NOP58: variants seen among roughly 807,000 people sequenced by gnomAD.
NOP58 encodes nucleolar protein 58.
In NOP58, 44 loss-of-function variants were observed where a neutral mutation model predicts 71.2. The observed-to-expected ratio is 0.62, with a 90% CI of 0.49 to 0.79. The LOEUF (loss-of-function observed/expected upper bound fraction) is 0.79. Ranked by LOEUF, NOP58 falls within the 30% of genes least tolerant of loss-of-function variation. NOP58 has a pLI of 0.00. For synonymous variants in NOP58, 228 were observed against 200.3 expected (o/e 1.14, Z -1.17); for missense variants, 538 against 620.2 (o/e 0.87, Z 1.41).
Position 202,287,421 on chromosome 2 carries a change from A to G in NOP58, c.435-239A>G, listed in dbSNP as rs540224868. ...CTATTTGTCATTCATACATAAACTC[A>G]TTCATGTTACAGAAATAAAGGTCGT... is the stretch of plus-strand genomic sequence containing the variant. On this transcript the variant is annotated intron_variant, in intron 5 of 14. Coordinates refer to ENST00000264279, the MANE Select transcript of NOP58 (RefSeq NM_015934.5). Among the ~76,000 whole-genome samples the G allele has an allele frequency of 2.6e-4, 39 of 151,450 alleles. No individual in the cohort carries two copies. In the East Asian group the frequency reaches 7.2e-3, roughly 28 times the overall value.
chr2:202,300,128 G>T, intron 12 of NOP58, 106 bp from the exon 13 acceptor site: 1 of 932,306 alleles, frequency 1.1e-6, no homozygotes, highest in South Asian at 1.6e-5. Context: ...AAACAACATT[G>T]TGTGCTTATG....
intron 6 of NOP58, among the ~76,000 whole-genome samples, chr2:202,288,718 G>T (rs1010580819): frequency 6.6e-6 from 1 of 152,074 alleles, no homozygotes; most frequent in Non-Finnish European, 1.5e-5. Flanking sequence ...AGGAGGCTGA[G>T]GCAGGAGAAT....
intron 13 of NOP58, 74 bp from the exon 14 acceptor site, chr2:202,302,847 A>T: frequency 6.6e-7 from 1 of 1,512,498 alleles, no homozygotes; most frequent in Non-Finnish European, 8.8e-7. Flanking sequence ...AAAAACTAGG[A>T]CTCAAACGTT....
At chr2:202,293,539 A>G (rs920344259) in intron 9 of NOP58, among the ~76,000 whole-genome samples, 83 of 152,256 alleles carry the variant, frequency 5.5e-4, no homozygotes, top group Non-Finnish European at 5.9e-4. Flanking sequence ...TAATTCATCA[A>G]AAAAGATTAT....
Position 202,303,450 on chromosome 2 carries a change from C to T in NOP58, c.*14C>T, listed in dbSNP as rs1054446. The T allele has an allele frequency of 0.12, 193,768 of 1,604,120 alleles. 12,797 individuals carry two copies. Among genetic ancestry groups the T allele is most frequent in the Admixed American group, 0.15 (8,682 of 58,984 alleles). ...AACGAGGATTAACAGAAAGGAATTA[C>T]GATTATATCACCCGGACACACATCA... On this transcript the variant is annotated 3_prime_UTR_variant, in exon 15 of 15. Transcript: ENST00000264279.
chr2:202,289,667 ATGATAAACCT>A (rs747832261), intron 6 of NOP58, among the ~76,000 whole-genome samples: 4 of 152,228 alleles, frequency 2.6e-5, no homozygotes, highest in Non-Finnish European at 5.9e-5. Context: ...ATATTTCAAC[ATGATAAACCT>A]TGAAAATATG....
intron 9 of NOP58, among the ~76,000 whole-genome samples, chr2:202,294,944 A>C (rs565763204): frequency 3.4e-4 from 52 of 151,550 alleles, no homozygotes; most frequent in Non-Finnish European, 7.2e-4. Flanking sequence ...CAGCCTGCGC[A>C]ACAGAGCGAA....
chr2:202,299,759 T>G (rs1448470331), intron 12 of NOP58: 3 of 152,332 alleles, frequency 2.0e-5, no homozygotes, highest in African/African-American at 7.2e-5. Flanking sequence ...CTTTTCCATG[T>G]GCATGTATTT....
At chr2:202,303,088 T>G (rs998792226) in intron 14 of NOP58, 31 bp downstream of exon 14, 1 of 1,601,364 alleles carries the variant, frequency 6.2e-7, no homozygotes, top group Non-Finnish European at 8.5e-7. Flanking sequence ...CGGTTTTCAC[T>G]TGGAGGGGCC....
At chr2:202,267,263 A>T (rs1452248222) in intron 1 of NOP58, among the ~76,000 whole-genome samples, 3 of 152,188 alleles carry the variant, frequency 2.0e-5, no homozygotes, top group Non-Finnish European at 2.9e-5. Context: ...AATGTAATAC[A>T]ATTTTAGCTA....
At chr2:202,296,717 T>TTTTG (rs144056381) in intron 10 of NOP58, among the ~76,000 whole-genome samples, 130,773 of 149,158 alleles carry the variant, frequency 0.88, 58,629 homozygotes, top group South Asian at 0.97. Context: ...CCACGCTTTT[T>TTTTG]TTTGTTTGTT....
intron 1 of NOP58, among the ~76,000 whole-genome samples, chr2:202,271,122 A>G (rs1356871826): frequency 1.3e-5 from 2 of 152,070 alleles, no homozygotes; most frequent in African/African-American, 2.4e-5. Context: ...TCTTAATTCC[A>G]TATACCCTCA....
chr2:202,302,726 G>T (rs111627215), intron 13 of NOP58, among the ~76,000 whole-genome samples, 195 bp from the exon 14 acceptor site: 28 of 152,274 alleles, frequency 1.8e-4, no homozygotes, highest in African/African-American at 6.5e-4. Context: ...TGAGAAGATT[G>T]CTCTGAGCTC....
At chr2:202,277,088 C>T (rs1688607518) in intron 2 of NOP58, among the ~76,000 whole-genome samples, 1 of 152,106 alleles carries the variant, frequency 6.6e-6, no homozygotes, top group African/African-American at 2.4e-5. Context: ...GAGATGGAGA[C>T]CATCCTGGCT....
chr2:202,277,540 A>G (rs973014496), intron 2 of NOP58, among the ~76,000 whole-genome samples: 2 of 151,618 alleles, frequency 1.3e-5, no homozygotes, highest in Non-Finnish European at 2.9e-5. Context: ...ACAATAAGCT[A>G]TTTTTTTTAA....
At chr2:202,299,209 T>C (rs548206344) in intron 12 of NOP58, among the ~76,000 whole-genome samples, 6 of 152,208 alleles carry the variant, frequency 3.9e-5, no homozygotes, top group Non-Finnish European at 7.4e-5. Flanking sequence ...CCGCCCGCCT[T>C]GGCCTCCCAA....
At chr2:202,280,587 C>G (rs1688683800) in intron 3 of NOP58, among the ~76,000 whole-genome samples, 1 of 152,006 alleles carries the variant, frequency 6.6e-6, no homozygotes, top group South Asian at 2.1e-4. Flanking sequence ...CCGCCTTGGC[C>G]TCCCAAAGTG....
chr2:202,268,917 T>G (rs1468731821), intron 1 of NOP58, among the ~76,000 whole-genome samples: 1 of 152,056 alleles, frequency 6.6e-6, no homozygotes, highest in Non-Finnish European at 1.5e-5. Flanking sequence ...CTTGAAGTTT[T>G]TTTTAAACTT....
intron 13 of NOP58, among the ~76,000 whole-genome samples, chr2:202,302,072 CTTT>C (rs1187670961): frequency 1.7e-5 from 2 of 119,118 alleles, no homozygotes; most frequent in African/African-American, 6.4e-5. Context: ...TTTTCTTTTT[CTTT>C]TTTTTTTCTT....
Sources: allele counts gnomAD v4.1 joint callset (sites outside exome capture counted in the v4.1 genomes callset), GRCh38; gene constraint gnomAD v4.1.1; transcripts MANE v1.5; gene names NCBI Gene and HGNC (gene_info 2026-07-23, HGNC 2026-07-21).